The following COL16A1 variants were observed in gnomAD, a reference collection of about 807,000 sequenced individuals.
The protein encoded by COL16A1 is collagen type XVI alpha 1 chain.
A neutral mutation model predicts 266.3 loss-of-function variants in COL16A1; 189 were observed. The observed-to-expected ratio is 0.71, with a 90% CI of 0.63 to 0.80. COL16A1 has a LOEUF of 0.80. COL16A1 is among the 30% of genes least tolerant of loss of function. The pLI is 0.00. For missense variants in COL16A1, 1,928 were observed against 2,122.4 expected (o/e 0.91, Z 1.80); for synonymous variants, 740 against 782.3 (o/e 0.95, Z 0.90).
In COL16A1 at chr1:31,700,115, C is replaced by G; in HGVS notation, c.74G>C (p.Gly25Ala). 1 of 1,614,126 alleles carries G rather than the reference C, an allele frequency of 6.2e-7. No individual in the cohort carries two copies. Among genetic ancestry groups the G allele is most frequent in the Non-Finnish European group, 8.5e-7 (1 of 1,180,016 alleles). Residue 25 changes from glycine (G) to alanine (A), a missense_variant and splice_region_variant, in exon 3 of 71, where the codon GGT (glycine) becomes GCT (alanine). By Grantham distance (60) the Gly-to-Ala change is moderately conservative. This residue lies in a region of COL16A1 where 1,552 missense variants were observed against 1,637.2 expected (regional missense o/e 0.95). Transcript: ENST00000373672. ...CTGCTGTGAAGGTGGGCATTGTGCA[C>G]CTAGAAGAGAAGGGGCAGGGGGGCA... ...WATFGHGANTGAQCPPSQQEG... is the reference protein window; with the variant it reads ...WATFGHGANTAAQCPPSQQEG...
At chr1:31,693,040 C>G in intron 13 of COL16A1, 52 bp downstream of exon 13, 1 of 1,253,440 alleles carries the variant, frequency 8.0e-7, no homozygotes, top group East Asian at 2.4e-5. Flanking sequence ...CCCACCTCAC[C>G]CCAGGGCACA....
At chr1:31,682,471 C>T (rs1166743817) in intron 37 of COL16A1, among the ~76,000 whole-genome samples, 1 of 152,180 alleles carries the variant, frequency 6.6e-6, no homozygotes, top group Non-Finnish European at 1.5e-5. Context: ...CAACAGCCAC[C>T]TGTGGTTGTG....
intron 44 of COL16A1, among the ~76,000 whole-genome samples, chr1:31,674,639 C>A (rs1341077194): frequency 1.3e-5 from 2 of 152,220 alleles, no homozygotes; most frequent in African/African-American, 2.4e-5. Context: ...CACAGCCCCC[C>A]ACCACTGCAC....
Position 31,691,482 on chromosome 1 carries a change from G to A in COL16A1, c.1333C>T (p.Leu445=). 6.2e-7 allele frequency: 1 copy of A among 1,613,480 alleles called. No homozygotes were observed. The highest frequency in any genetic ancestry group is 1.1e-5 in the South Asian group (1 of 91,058). Residue 445 remains leucine, a synonymous_variant, in exon 19 of 71, where the codon CTG becomes TTG. Transcript: ENST00000373672. ...CCGGGGGGCCCAGGCTCTCCTGCCA[G>A]CCCCTCAGGCCCAACAAAGCCAGGG... ...GDPGFVGPEG[L]AGEPGPPGLP...
At chr1:31,665,330 C>A in intron 55 of COL16A1, 96 bp from the exon 56 acceptor site, 1 of 1,525,904 alleles carries the variant, frequency 6.6e-7, no homozygotes, top group Non-Finnish European at 8.8e-7. Context: ...GTTGTTAATG[C>A]AATTCATTTT....
chr1:31,696,222 G>A, intron 8 of COL16A1, 81 bp from the exon 9 acceptor site: 3 of 1,273,126 alleles, frequency 2.4e-6, no homozygotes, highest in Non-Finnish European at 3.4e-6. Flanking sequence ...CCAGGCAGGG[G>A]GCATGGGCCC....
chr1:31,675,037 T>A lies in COL16A1; in HGVS notation c.2829A>T (p.Gly943=). 2 of 1,613,246 alleles carry A rather than the reference T, an allele frequency of 1.2e-6. No individual in the cohort carries two copies. The highest frequency in any genetic ancestry group is 2.2e-5 in the South Asian group (2 of 90,818). Residue 943 remains glycine, a splice_region_variant and synonymous_variant, in exon 44 of 71, where the codon GGA becomes GGT. Coordinates refer to ENST00000373672, the MANE Select transcript of COL16A1 (RefSeq NM_001856.4). ...PGQPGLTAEL[G]SLPIEQHLLK... Reference sequence around the variant, plus strand: ...GGAGGTGCTGTTCAATTGGTAAGGATCCCTGCAAGAGACAGATGTGTGGGC... The same window carrying A: ...GGAGGTGCTGTTCAATTGGTAAGGAACCCTGCAAGAGACAGATGTGTGGGC...
chr1:31,703,058 G>A (rs1210502354), intron 1 of COL16A1, among the ~76,000 whole-genome samples: 2 of 152,106 alleles, frequency 1.3e-5, no homozygotes, highest in Non-Finnish European at 2.9e-5. Context: ...ATGCAGATGC[G>A]CAGGTACATG....
At chr1:31,684,999 G>A in intron 29 of COL16A1, 143 bp from the exon 30 acceptor site, 2 of 1,508,590 alleles carry the variant, frequency 1.3e-6, no homozygotes, top group South Asian at 2.4e-5. Flanking sequence ...TTGCCCAGGT[G>A]CAGAGCAAAG....
At chr1:31,679,258 A>G in intron 42 of COL16A1, 1 of 725,726 alleles carries the variant, frequency 1.4e-6, no homozygotes. Flanking sequence ...CTGTATTCAC[A>G]GCAGTTAAAG....
At chr1:31,695,282 C>T in intron 10 of COL16A1, 61 bp from the exon 11 acceptor site, 1 of 1,505,484 alleles carries the variant, frequency 6.6e-7, no homozygotes, top group Non-Finnish European at 9.2e-7. Context: ...CCCTCCCCAC[C>T]TCCATCACCA....
chr1:31,702,043 ACATATG>A, intron 2 of COL16A1, 72 bp downstream of exon 2: 1 of 1,605,586 alleles, frequency 6.2e-7, no homozygotes, highest in Non-Finnish European at 8.5e-7. Context: ...ATACATGGTC[ACATATG>A]TGCAAGGACC....
intron 2 of COL16A1, among the ~76,000 whole-genome samples, chr1:31,701,113 G>C (rs1355499391): frequency 6.6e-6 from 1 of 152,164 alleles, no homozygotes; most frequent in African/African-American, 2.4e-5. Context: ...AGACTGGCTG[G>C]AAGAAGGAAT....
chr1:31,655,326 C>T lies in COL16A1; in HGVS notation c.4278G>A (p.Val1426=). The change falls in exon 67 of 71, where the codon GTG becomes GTA. Residue 1426 remains valine (V), a synonymous_variant. Transcript: ENST00000373672. ...CCTTCCCCCTTACCATGGAGCCAGG[C>T]ACACCAGGCAAGCCAGGGCTCCCCG... is the stretch of plus-strand genomic sequence containing the variant. ...GPSGSPGLPG[V]PGSMGDMVNY... The T allele has an allele frequency of 6.2e-7, 1 of 1,613,264 alleles. No individual in the cohort carries two copies. Among genetic ancestry groups the T allele is most frequent in the Non-Finnish European group, 8.5e-7 (1 of 1,179,612 alleles).
chr1:31,687,255 G>A (rs958328372), intron 26 of COL16A1, among the ~76,000 whole-genome samples: 4 of 152,092 alleles, frequency 2.6e-5, no homozygotes, highest in South Asian at 2.1e-4. Context: ...GGTGGTGCAC[G>A]CCTGTAATCC....
intron 68 of COL16A1, 138 bp from the exon 69 acceptor site, chr1:31,654,181 G>A (rs887201421): frequency 7.6e-6 from 10 of 1,320,618 alleles, no homozygotes; most frequent in East Asian, 2.5e-5. Context: ...CAAGGAGTAT[G>A]GGGGTGGGTC....
In COL16A1 at chr1:31,676,158, C is replaced by T. The variant is rs1476631392; in HGVS notation, c.2773-847G>A. Among the ~76,000 whole-genome samples the T allele has an allele frequency of 4.6e-5, 7 of 152,206 alleles. No homozygotes were observed. The South Asian group carries it at 1.2e-3, about 27-fold the overall frequency. On this transcript the variant is annotated intron_variant, in intron 42 of 70. Coordinates refer to ENST00000373672, the MANE Select transcript of COL16A1 (RefSeq NM_001856.4). The stretch of plus-strand genomic sequence containing the variant: ...TGGCCAACATGGCGAAACCCCGTCT[C>T]TTCTAAAAATATAAAAGTTAGCAGG...
intron 30 of COL16A1, 81 bp from the exon 31 acceptor site, chr1:31,684,711 A>G: frequency 6.2e-7 from 1 of 1,607,652 alleles, no homozygotes; most frequent in Non-Finnish European, 8.5e-7. Context: ...AGGCACTCAC[A>G]CTCCTTTGCC....
At chr1:31,684,029 A>T (rs911877746) in intron 32 of COL16A1, 26 bp from the exon 33 acceptor site, 16 of 1,614,000 alleles carry the variant, frequency 9.9e-6, no homozygotes, top group African/African-American at 1.3e-5. Flanking sequence ...TGGCCCATGG[A>T]GTCCCCACAG....
Sources: gnomAD v4.1 joint callset for allele counts (sites outside exome capture counted in the v4.1 genomes callset) on GRCh38, gnomAD v4.1.1 for gene constraint, gnomAD v4.1.1 regional missense constraint, MANE v1.5 for transcripts, NCBI Gene and HGNC (gene_info 2026-07-23, HGNC 2026-07-21) for gene names.